The following PPP1R12B variants were observed in gnomAD, a reference collection of about 807,000 sequenced individuals.
The protein encoded by PPP1R12B is myosin phosphatase target subunit 2.
Under a neutral mutation model 126.1 loss-of-function variants are expected in PPP1R12B, and 76 were observed. That is an observed-to-expected ratio of 0.60 (90% confidence interval 0.50 to 0.73). The LOEUF (loss-of-function observed/expected upper bound fraction) is 0.73. PPP1R12B is among the 30% of genes least tolerant of loss of function. The probability of loss-of-function intolerance (pLI) is 0.00; values close to 1 mark genes in which losing one functional copy is unlikely to be tolerated. For missense variants in PPP1R12B, 1,052 were observed against 1,205.1 expected (o/e 0.87, Z 1.88); for synonymous variants, 356 against 434.7 (o/e 0.82, Z 2.25).
At chr1:202,467,470 C>T (rs1375591559) in intron 13 of PPP1R12B, among the ~76,000 whole-genome samples, 12 of 151,046 alleles carry the variant, frequency 7.9e-5, no homozygotes, top group South Asian at 2.1e-4. Flanking sequence ...TGAGAACATG[C>T]GGTGTTTGGT....
At chr1:202,360,624 G>T (rs1029721802) in intron 1 of PPP1R12B, among the ~76,000 whole-genome samples, 1 of 151,576 alleles carries the variant, frequency 6.6e-6, no homozygotes, top group Non-Finnish European at 1.5e-5. Flanking sequence ...CAGGAGAATC[G>T]CTTGTACCTG....
At chr1:202,394,473 G>C (rs1422920720) in intron 1 of PPP1R12B, among the ~76,000 whole-genome samples, 4 of 151,998 alleles carry the variant, frequency 2.6e-5, no homozygotes, top group South Asian at 2.1e-4. Context: ...ATCAATTTGG[G>C]GCCGGGCACA....
chr1:202,509,934 G>T (rs533563242), intron 18 of PPP1R12B, among the ~76,000 whole-genome samples: 1 of 152,124 alleles, frequency 6.6e-6, no homozygotes, highest in Non-Finnish European at 1.5e-5. Flanking sequence ...ATATGTCACA[G>T]TAAAGACTCA....
intron 1 of PPP1R12B, among the ~76,000 whole-genome samples, chr1:202,382,410 C>T (rs1406225361): frequency 1.4e-5 from 2 of 143,094 alleles, no homozygotes; most frequent in Non-Finnish European, 3.0e-5. Flanking sequence ...TACCCTAGAA[C>T]TTAAAGTATA....
At chr1:202,422,760 G>A (rs1668969096) in intron 3 of PPP1R12B, 22 bp downstream of exon 3, 2 of 1,612,604 alleles carry the variant, frequency 1.2e-6, no homozygotes, top group South Asian at 1.1e-5. Context: ...GATTGGAGGG[G>A]GCCAGGAAAG....
chr1:202,369,369 T>A (rs1339703343), intron 1 of PPP1R12B, among the ~76,000 whole-genome samples: 2 of 152,202 alleles, frequency 1.3e-5, no homozygotes, highest in African/African-American at 2.4e-5. Context: ...GTTAAAATTT[T>A]AAAAAACCCA....
chr1:202,426,231 G>A (rs1669487311), intron 4 of PPP1R12B, among the ~76,000 whole-genome samples: 1 of 152,062 alleles, frequency 6.6e-6, no homozygotes, highest in African/African-American at 2.4e-5. Context: ...GTAGCTCTTG[G>A]TACTTAATGT....
rs1689648731 is a variant in PPP1R12B at position 202,583,258 on chromosome 1, C to T, written c.*2698C>T. The T allele has an allele frequency of 2.6e-5, 4 of 152,212 alleles. No homozygotes were observed. The South Asian group carries it at 8.3e-4, about 32-fold the overall frequency. The allele number at this position is 152,212 out of a possible 1,614,324, so 9.4% of individuals were successfully genotyped here. A position where few individuals can be genotyped will look rare whatever the true frequency, so the allele number is the denominator to read the frequency against. On this transcript the variant is annotated 3_prime_UTR_variant, in exon 24 of 24. Transcript: ENST00000608999. ...TCTTGACCCTTTTCCACTCAATAGA[C>T]CAGGGAAAGGGGTTACAGAGAGCCT...
At position 202,447,512 on chromosome 1, in the gene PPP1R12B, C is replaced by T. The variant is rs937862139; in HGVS notation, c.1668-1477C>T. Among the ~76,000 whole-genome samples, 10 of 152,254 alleles carry T rather than the reference C, an allele frequency of 6.6e-5. No individual in the cohort carries two copies. The East Asian group carries it at 1.3e-3, about 21-fold the overall frequency. ...TCTATTTTATCAATGAAGAAGAGAT[C>T]AGAGAGTCTACATTTAAGCAAATGT... On this transcript the variant is annotated intron_variant, in intron 12 of 23. Coordinates refer to ENST00000608999, the MANE Select transcript of PPP1R12B (RefSeq NM_002481.4).
rs1415205556 is a variant in PPP1R12B, at chr1:202,442,553, G to A, written c.1648G>A (p.Val550Ile). The A allele has an allele frequency of 5.6e-6, 9 of 1,612,326 alleles. No individual in the cohort carries two copies. The highest frequency in any genetic ancestry group is 2.7e-5 in the African/African-American group (2 of 74,664). The change falls in exon 12 of 24, where the codon GTA (valine) becomes ATA (isoleucine). Residue 550 changes from valine to isoleucine, a missense_variant. Coordinates refer to ENST00000608999, the MANE Select transcript of PPP1R12B (RefSeq NM_002481.4). ...ACAGACAATTGCTCCCTCCACCTAT[G>A]TATCAACTTACTTGAAAAGGTACCA... ...IPQTIAPSTY[V>I]STYLKRTPHK...
At position 202,437,768 on chromosome 1, in the gene PPP1R12B, A is replaced by G; in HGVS notation, c.1255-53A>G. ...GTGTGGAAAAGGCAAATAGGCTGAG[A>G]AAGAATCATCAGAGCCTTTATTTTT... is the stretch of plus-strand genomic sequence containing the variant. On this transcript the variant is annotated intron_variant, in intron 9 of 23. Coordinates refer to ENST00000608999, the MANE Select transcript of PPP1R12B (RefSeq NM_002481.4). The G allele has an allele frequency of 2.0e-6, 3 of 1,496,754 alleles. No homozygotes were observed. The South Asian group carries it at 3.7e-5, about 19-fold the overall frequency. The allele number at this position is 1,496,754 out of a possible 1,614,324, so 92.7% of individuals were successfully genotyped here.
intron 1 of PPP1R12B, among the ~76,000 whole-genome samples, chr1:202,409,243 A>C (rs1667064437): frequency 6.6e-6 from 1 of 152,028 alleles, no homozygotes; most frequent in Admixed American, 6.6e-5. Context: ...TTTTTTGAGG[A>C]ACTTCCATAC....
At chr1:202,578,400 G>T (rs1689286655) in intron 23 of PPP1R12B, among the ~76,000 whole-genome samples, 1 of 152,174 alleles carries the variant, frequency 6.6e-6, no homozygotes, top group Non-Finnish European at 1.5e-5. Flanking sequence ...TTAAAGAGCA[G>T]ATTGAACACG....
At chr1:202,462,875 T>C (rs1168280520) in intron 13 of PPP1R12B, 2 of 985,188 alleles carry the variant, frequency 2.0e-6, no homozygotes, top group Non-Finnish European at 1.2e-6. Context: ...GTGTCTGAGA[T>C]AGCTTGACCT....
At chr1:202,375,083 C>G (rs1571673611) in intron 1 of PPP1R12B, among the ~76,000 whole-genome samples, 1 of 152,168 alleles carries the variant, frequency 6.6e-6, no homozygotes, top group East Asian at 1.9e-4. Flanking sequence ...GCTGGGATTA[C>G]AGGCATGTGC....
chr1:202,486,995 A>T (rs939061497), intron 13 of PPP1R12B, among the ~76,000 whole-genome samples: 1 of 152,222 alleles, frequency 6.6e-6, no homozygotes, highest in East Asian at 1.9e-4. Context: ...CAAGAAGGGA[A>T]AATTATAAGC....
At position 202,580,590 on chromosome 1, in the gene PPP1R12B, G is replaced by C; in HGVS notation, c.*30G>C. ...GGCTCCAGATTTATGAGGAAAGAAA[G>C]GGACAGCATTTGCTGCCCCCACCCC... On this transcript the variant is annotated 3_prime_UTR_variant, in exon 24 of 24. Coordinates refer to ENST00000608999, the MANE Select transcript of PPP1R12B (RefSeq NM_002481.4). 6.4e-7 allele frequency: 1 copy of C among 1,573,646 alleles called. No individual in the cohort carries two copies. Among genetic ancestry groups the C allele is most frequent in the Non-Finnish European group, 8.7e-7 (1 of 1,143,210 alleles).
intron 13 of PPP1R12B, among the ~76,000 whole-genome samples, chr1:202,460,829 T>G (rs1465744200): frequency 6.6e-6 from 1 of 152,228 alleles, no homozygotes; most frequent in African/African-American, 2.4e-5. Context: ...GGTGATTCTT[T>G]TAGTGCTTTG....
intron 1 of PPP1R12B, among the ~76,000 whole-genome samples, chr1:202,403,426 G>A (rs1666138854): frequency 6.6e-6 from 1 of 152,236 alleles, no homozygotes; most frequent in Non-Finnish European, 1.5e-5. Flanking sequence ...CTCTTGAGTT[G>A]TAAAGTTACC....
Sources: gnomAD v4.1 joint callset for allele counts (sites outside exome capture counted in the v4.1 genomes callset) on GRCh38, gnomAD v4.1.1 for gene constraint, MANE v1.5 for transcripts, NCBI Gene and HGNC (gene_info 2026-07-23, HGNC 2026-07-21) for gene names.